The following DPP6 variants were observed in gnomAD, a reference collection of about 807,000 sequenced individuals.
DPP6 encodes the protein dipeptidyl peptidase like 6, also known as A-type potassium channel modulatory protein DPP6.
DPP6 carries 69 observed loss-of-function variants against 122.6 expected under a neutral mutation model. The ratio of observed to expected loss-of-function variants is 0.56; its 90% CI spans 0.46 to 0.69. DPP6 has a LOEUF of 0.69. DPP6 is among the 30% of genes least tolerant of loss of function. The probability of loss-of-function intolerance (pLI) is 0.00; values close to 1 mark genes in which losing one functional copy is unlikely to be tolerated. For synonymous variants in DPP6, 418 were observed against 433.1 expected (o/e 0.97, Z 0.43); for missense variants, 928 against 1,116.9 (o/e 0.83, Z 2.41).
At chr7:154,607,146 G>T (rs528521295) in intron 5 of DPP6, among the ~76,000 whole-genome samples, 1 of 120,964 alleles carries the variant, frequency 8.3e-6, no homozygotes, top group Admixed American at 9.3e-5. Flanking sequence ...GATCTCTCAC[G>T]TATTTTTCCT....
chr7:154,646,045 A>AAAAAAAAAAAC (rs1554421912), intron 6 of DPP6, among the ~76,000 whole-genome samples: 11 of 147,668 alleles, frequency 7.4e-5, no homozygotes, highest in African/African-American at 2.6e-4. Flanking sequence ...AAAAAAAAAA[A>AAAAAAAAAAAC]GAAAATACTG....
intron 1 of DPP6, among the ~76,000 whole-genome samples, chr7:154,160,538 G>A (rs1796928118): frequency 2.0e-5 from 3 of 152,280 alleles, no homozygotes; most frequent in South Asian, 2.1e-4. Context: ...GGACACTTGG[G>A]TTATCTGGAG....
chr7:154,567,295 AAT>A (rs910550914), intron 5 of DPP6, among the ~76,000 whole-genome samples: 2 of 152,198 alleles, frequency 1.3e-5, no homozygotes, highest in African/African-American at 4.8e-5. Flanking sequence ...AAACTGAAAT[AAT>A]ATGTTAATTA....
chr7:154,636,042 T>C (rs1835708564), intron 5 of DPP6, among the ~76,000 whole-genome samples: 1 of 152,142 alleles, frequency 6.6e-6, no homozygotes, highest in Non-Finnish European at 1.5e-5. Context: ...CCTCTCCTCT[T>C]CCCCCTTTCT....
At chr7:154,651,693 T>G (rs1323107314) in intron 6 of DPP6, among the ~76,000 whole-genome samples, 1 of 152,180 alleles carries the variant, frequency 6.6e-6, no homozygotes, top group Non-Finnish European at 1.5e-5. Context: ...TTACTCATTC[T>G]CAGCACGACT....
At chr7:154,444,910 A>ACT (rs1391203599) in intron 1 of DPP6, among the ~76,000 whole-genome samples, 1 of 152,198 alleles carries the variant, frequency 6.6e-6, no homozygotes. Flanking sequence ...CTAAAAAGCT[A>ACT]CTCTCTGTAG....
rs1368459551 is a variant in DPP6 at position 154,894,122 on chromosome 7, T to G, written c.*1642T>G. The G allele has an allele frequency of 6.6e-6, 1 of 152,186 alleles. No individual in the cohort carries two copies. Among genetic ancestry groups the G allele is most frequent in the Non-Finnish European group, 1.5e-5 (1 of 68,042 alleles). 9.4% of individuals were successfully genotyped at this position (152,186 alleles called of 1,614,324 possible). A position where few individuals can be genotyped will look rare whatever the true frequency, so the allele number is the denominator to read the frequency against. On this transcript the variant is annotated 3_prime_UTR_variant, in exon 26 of 26. Coordinates refer to ENST00000377770, the MANE Select transcript of DPP6 (RefSeq NM_130797.4). ...TGCTGATAAACAGGACCGATCCGAG[T>G]GCTACATGACTGTGCGTTTGCTATT...
chr7:154,756,600 C>T (rs999749388), intron 8 of DPP6, among the ~76,000 whole-genome samples: 6 of 152,106 alleles, frequency 3.9e-5, no homozygotes, highest in Admixed American at 2.0e-4. Flanking sequence ...GAAAGTCTAG[C>T]TCCTGAGGCC....
At chr7:154,497,660 C>T (rs1234814412) in intron 3 of DPP6, among the ~76,000 whole-genome samples, 1 of 151,348 alleles carries the variant, frequency 6.6e-6, no homozygotes, top group Non-Finnish European at 1.5e-5. Flanking sequence ...TAAATTAGAT[C>T]ATCATTCACA....
At chr7:154,799,114 C>A (rs947945028) in intron 12 of DPP6, among the ~76,000 whole-genome samples, 5 of 152,098 alleles carry the variant, frequency 3.3e-5, no homozygotes, top group Non-Finnish European at 7.4e-5. Context: ...GGAGACCCGG[C>A]CTGCTTAGGT....
At chr7:154,407,122 C>G (rs1161877581) in intron 1 of DPP6, among the ~76,000 whole-genome samples, 2 of 152,180 alleles carry the variant, frequency 1.3e-5, no homozygotes, top group African/African-American at 4.8e-5. Flanking sequence ...ATAACAGAAT[C>G]TCTGGGTAGC....
At chr7:154,368,352 A>T (rs1295838585) in intron 1 of DPP6, among the ~76,000 whole-genome samples, 1 of 152,136 alleles carries the variant, frequency 6.6e-6, no homozygotes, top group African/African-American at 2.4e-5. Context: ...CTCACTTGGG[A>T]AATTCCTAGA....
chr7:154,377,186 A>G (rs1316007296), intron 1 of DPP6, among the ~76,000 whole-genome samples: 1 of 152,188 alleles, frequency 6.6e-6, no homozygotes, highest in Middle Eastern at 3.2e-3. Context: ...AGAGTGATTA[A>G]GCTTCATTTA....
intron 1 of DPP6, among the ~76,000 whole-genome samples, chr7:153,888,705 CTTTTTTTTTTTTTTT>C (rs142238331): frequency 1.3e-5 from 1 of 77,000 alleles, no homozygotes; most frequent in South Asian, 4.6e-4. Context: ...CTGGCTGGCA[CTTTTTTTTTTTTTTT>C]TTTTTTTTTT....
intron 3 of DPP6, among the ~76,000 whole-genome samples, chr7:154,480,823 C>T (rs13228961): frequency 6.6e-6 from 1 of 151,948 alleles, no homozygotes; most frequent in Non-Finnish European, 1.5e-5. Flanking sequence ...GAAAAAAAAT[C>T]CACCCTATCC....
the DPP6 span, among the ~76,000 whole-genome samples, chr7:153,833,720 A>G: frequency 1.3e-5 from 2 of 151,768 alleles, no homozygotes; most frequent in Non-Finnish European, 2.9e-5. Flanking sequence ...AAATTCACCT[A>G]TCTGGCTTTG....
rs150475930 is a variant in DPP6, at chr7:154,452,290, T to C, written c.358+5962T>C. Among the ~76,000 whole-genome samples, 331 of 152,136 alleles carry C rather than the reference T, an allele frequency of 2.2e-3. 2 individuals are homozygous for C. The highest frequency in any genetic ancestry group is 7.4e-3 in the African/African-American group (306 of 41,494). Reference sequence around the variant, plus strand: ...GTAAAAATAAAAGTCAAAGGCAGGGTGTGGTGGAGGCCTGTTGAGTTGTGT... The same window carrying C: ...GTAAAAATAAAAGTCAAAGGCAGGGCGTGGTGGAGGCCTGTTGAGTTGTGT... On this transcript the variant is annotated intron_variant, in intron 2 of 25. Transcript: ENST00000377770.
At chr7:154,849,805 A>G (rs750100772) in intron 16 of DPP6, among the ~76,000 whole-genome samples, 4 of 152,216 alleles carry the variant, frequency 2.6e-5, no homozygotes, top group Non-Finnish European at 4.4e-5. Context: ...TGGGTTTGGC[A>G]TAGATGGCCT....
chr7:154,191,052 T>G (rs1047462649), intron 1 of DPP6, among the ~76,000 whole-genome samples: 2 of 152,242 alleles, frequency 1.3e-5, no homozygotes, highest in Non-Finnish European at 2.9e-5. Context: ...TGCTATTGAT[T>G]GCAGAGAAAG....
Sources: allele counts gnomAD v4.1 joint callset (sites outside exome capture counted in the v4.1 genomes callset), GRCh38; gene constraint gnomAD v4.1.1; transcripts MANE v1.5; gene names NCBI Gene and HGNC (gene_info 2026-07-23, HGNC 2026-07-21).